The following ASCC2 variants were observed in gnomAD, a reference collection of about 807,000 sequenced individuals.
The protein encoded by ASCC2 is activating signal cointegrator 1 complex subunit 2, also known as ASC-1 complex subunit P100.
A neutral mutation model predicts 93.5 loss-of-function variants in ASCC2; 42 were observed. The observed-to-expected ratio is 0.45, with a 90% CI of 0.35 to 0.58. ASCC2 has a LOEUF of 0.58. Among genes scored for constraint, ASCC2 ranks in the 20% least tolerant of loss-of-function variants. The pLI is 0.00. For synonymous variants in ASCC2, 364 were observed against 384.2 expected (o/e 0.95, Z 0.62); for missense variants, 859 against 977.6 (o/e 0.88, Z 1.62).
chr22:29,822,218 T>G, intron 5 of ASCC2, 117 bp downstream of exon 5: 1 of 1,380,774 alleles, frequency 7.2e-7, no homozygotes, highest in Non-Finnish European at 9.9e-7. Flanking sequence ...TTCCCAAGAC[T>G]CCCTGCCCCT....
intron 1 of ASCC2, among the ~76,000 whole-genome samples, chr22:29,837,060 T>C (rs1262067834): frequency 6.6e-6 from 1 of 152,182 alleles, no homozygotes; most frequent in East Asian, 1.9e-4. Context: ...TGTGGCAGCA[T>C]TTAAAAGAGA....
In ASCC2 at chr22:29,806,915, G is replaced by C. The variant is rs778285612; in HGVS notation, c.909-11C>G. On this transcript the variant is annotated splice_polypyrimidine_tract_variant and intron_variant, in intron 9 of 19. Coordinates refer to ENST00000307790, the MANE Select transcript of ASCC2 (RefSeq NM_032204.5). ...AGGTCACCAAGAAGCCTAGGCCAGA[G>C]AGAAAAAAGACACAGGTTTAGGAGA... is the stretch of plus-strand genomic sequence containing the variant. The C allele has an allele frequency of 8.7e-6, 14 of 1,602,810 alleles. No individual in the cohort carries two copies. In the South Asian group the frequency reaches 1.5e-4, roughly 18 times the overall value.
chr22:29,817,298 C>A, intron 5 of ASCC2, among the ~76,000 whole-genome samples: 1 of 152,166 alleles, frequency 6.6e-6, no homozygotes, highest in East Asian at 1.9e-4. Context: ...ATCTCCCCAC[C>A]AAACTCTGTT....
At chr22:29,816,181 T>C in intron 5 of ASCC2, 108 bp from the exon 6 acceptor site, 1 of 922,556 alleles carries the variant, frequency 1.1e-6, no homozygotes, top group South Asian at 1.5e-5. Flanking sequence ...TTCTCCCTTT[T>C]CCTAATCCTA....
In ASCC2 at chr22:29,788,894, G is replaced by T; in HGVS notation, c.*119C>A. 7.7e-7 allele frequency: 1 copy of T among 1,294,052 alleles called. No individual in the cohort carries two copies. Among genetic ancestry groups the T allele is most frequent in the Non-Finnish European group, 1.1e-6 (1 of 920,450 alleles). The allele number at this position is 1,294,052 out of a possible 1,614,324, so 80.2% of individuals were successfully genotyped here. ...AGGCGGCCTTCTCAGGGGCTGCAAA[G>T]CTGAGGCTGTTGAGGGGTTGAGTTG... is the stretch of plus-strand genomic sequence containing the variant. On this transcript the variant is annotated 3_prime_UTR_variant, in exon 20 of 20. Transcript: ENST00000307790.
At chr22:29,836,428 A>G (rs1333062840) in intron 1 of ASCC2, 1 of 147,950 alleles carries the variant, frequency 6.8e-6, no homozygotes, top group African/African-American at 2.5e-5. Context: ...TAAAGATTTT[A>G]GTATTTCACC....
Position 29,813,443 on chromosome 22 carries a change from C to T in ASCC2, c.820G>A (p.Asp274Asn), listed in dbSNP as rs768099222. 2.0e-5 allele frequency: 32 copies of T among 1,611,042 alleles called. No homozygotes were observed. The highest frequency in any genetic ancestry group is 1.4e-4 in the South Asian group (13 of 91,004). The change falls in exon 8 of 20, where the codon GAC (aspartate) becomes AAC (asparagine). Residue 274 changes from aspartate (D) to asparagine (N), a missense_variant. Asp to Asn is a conservative substitution (Grantham distance 23). Coordinates refer to ENST00000307790, the MANE Select transcript of ASCC2 (RefSeq NM_032204.5). ...PLACQTFQKH[D>N]FCYRLASFYE... Reference sequence around the variant, plus strand: ...CTACCGCCTTACCTGTAACAAAAGTCGTGCTTCTGGAAGGTCTGGCAAGCC... The same window carrying T: ...CTACCGCCTTACCTGTAACAAAAGTTGTGCTTCTGGAAGGTCTGGCAAGCC...
rs1400095160 is a variant in ASCC2 at position 29,825,744 on chromosome 22, A to G, written c.118T>C (p.Tyr40His). Residue 40 changes from tyrosine to histidine, a missense_variant, in exon 3 of 20, where the codon TAC becomes CAC. Tyr to His is a moderately conservative substitution (Grantham distance 83). Coordinates refer to ENST00000307790, the MANE Select transcript of ASCC2 (RefSeq NM_032204.5). The surrounding 1 kb of genome is among the most constrained non-coding windows in gnomAD (Gnocchi z 4.9). Reference protein sequence around the residue: ...EQKADRYFVLYKPPPKDNIPA... With the variant: ...EQKADRYFVLHKPPPKDNIPA... ...ATGTTGTCTTTAGGGGGCGGTTTGT[A>G]TAACACAAAATACCGGTCTGCCTTC... 4 of 1,613,612 alleles carry G rather than the reference A, an allele frequency of 2.5e-6. No individual in the cohort carries two copies. Among genetic ancestry groups the G allele is most frequent in the East Asian group, 2.2e-5 (1 of 44,858 alleles).
In ASCC2 at chr22:29,837,226, C is replaced by T. The variant is rs866356796; in HGVS notation, c.-18+952G>A. Among the ~76,000 whole-genome samples the T allele has an allele frequency of 4.0e-5, 6 of 150,086 alleles. No homozygotes were observed. The South Asian group carries it at 1.3e-3, about 32-fold the overall frequency. The stretch of plus-strand genomic sequence containing the variant: ...CGGGCGGATCACGAGGCCAGGAGAT[C>T]GAGACCATCCTGGCTAGCAAGGTGA... On this transcript the variant is annotated intron_variant, in intron 1 of 19. Coordinates refer to ENST00000307790, the MANE Select transcript of ASCC2 (RefSeq NM_032204.5).
chr22:29,825,383 C>T lies in ASCC2; in HGVS notation c.241-126G>A. The T allele has an allele frequency of 7.7e-7, 1 of 1,291,462 alleles. No homozygotes were observed. The highest frequency in any genetic ancestry group is 1.1e-6 in the Non-Finnish European group (1 of 938,330). The allele number at this position is 1,291,462 out of a possible 1,614,324, so 80.0% of individuals were successfully genotyped here. ...TCCAAACACTCCGACCCCAAGGGACCAAGGAGGTATGAATGAGCCAAGGGC... is the reference window on the plus strand; with the variant it reads ...TCCAAACACTCCGACCCCAAGGGACTAAGGAGGTATGAATGAGCCAAGGGC... On this transcript the variant is annotated intron_variant, in intron 3 of 19. Transcript: ENST00000307790. The surrounding 1 kb of genome is among the most constrained non-coding windows in gnomAD (Gnocchi z 4.9).
intron 1 of ASCC2, among the ~76,000 whole-genome samples, chr22:29,832,785 T>C (rs1219797105): frequency 6.6e-6 from 1 of 151,764 alleles, no homozygotes; most frequent in Non-Finnish European, 1.5e-5. Context: ...TCTTACTCTG[T>C]TGTCCAGTGA....
intron 1 of ASCC2, chr22:29,833,396 G>A (rs2063386725): frequency 8.8e-6 from 3 of 342,330 alleles, no homozygotes; most frequent in African/African-American, 2.2e-5. Flanking sequence ...GAAGAAGTAC[G>A]TGGAAGAATA....
Position 29,806,206 on chromosome 22 carries a change from A to G in ASCC2, c.1160+10T>C, listed in dbSNP as rs940675760. 9.9e-6 allele frequency: 16 copies of G among 1,613,534 alleles called. No homozygotes were observed. Among genetic ancestry groups the G allele is most frequent in the Non-Finnish European group, 1.2e-5 (14 of 1,179,606 alleles). ...GGGCCCTGTCGTAGTGGGCTATGGT[A>G]GAAGGATACAAGACTGATGAGGCCT... On this transcript the variant is annotated intron_variant, in intron 12 of 19. Coordinates refer to ENST00000307790, the MANE Select transcript of ASCC2 (RefSeq NM_032204.5).
At chr22:29,835,089 C>T (rs2063612341) in intron 1 of ASCC2, among the ~76,000 whole-genome samples, 1 of 152,192 alleles carries the variant, frequency 6.6e-6, no homozygotes, top group Admixed American at 6.5e-5. Flanking sequence ...CAGGTAGAGA[C>T]AGCATTTGCT....
In ASCC2 at chr22:29,802,119, G is replaced by A. The variant is rs375230185; in HGVS notation, c.1443C>T (p.Asp481=). Residue 481 remains aspartate (D), a synonymous_variant, in exon 14 of 20, where the codon GAC becomes GAT. Coordinates refer to ENST00000307790, the MANE Select transcript of ASCC2 (RefSeq NM_032204.5). The stretch of plus-strand genomic sequence containing the variant: ...AGGCCAGGATGAAGCCCTCACCAAG[G>A]TCTGGCAGCAGGTCCTTCACTTGGG... ...LISQVKDLLP[D]LGEGFILACL... The A allele has an allele frequency of 6.2e-7, 1 of 1,614,202 alleles. No homozygotes were observed. Among genetic ancestry groups the A allele is most frequent in the East Asian group, 2.2e-5 (1 of 44,882 alleles).
chr22:29,811,271 T>C (rs2060247050), intron 8 of ASCC2, among the ~76,000 whole-genome samples: 1 of 152,202 alleles, frequency 6.6e-6, no homozygotes, highest in African/African-American at 2.4e-5. Context: ...GCACAGTTGC[T>C]CATATGTGCA....
rs145515686 is a variant in ASCC2, at chr22:29,832,015, G to C, written c.81+230C>G. ...GACTGATTTGAAATTAAATGCTTTG[G>C]GGGGAAGGTGCAGGGTGGTGACATG... On this transcript the variant is annotated intron_variant, in intron 2 of 19. Transcript: ENST00000307790. Among the ~76,000 whole-genome samples, 64 of 152,220 alleles carry C rather than the reference G, an allele frequency of 4.2e-4. No homozygotes were observed. In the East Asian group the frequency reaches 9.7e-3, roughly 23 times the overall value.
chr22:29,826,087 G>T (rs144401002), intron 2 of ASCC2: 129 of 223,976 alleles, frequency 5.8e-4, no homozygotes, highest in African/African-American at 2.8e-3. Flanking sequence ...TTAGTAAAAG[G>T]CAAAAGATTT....
intron 4 of ASCC2, among the ~76,000 whole-genome samples, chr22:29,824,853 G>A (rs1032287470): frequency 6.6e-6 from 1 of 152,198 alleles, no homozygotes; most frequent in South Asian, 2.1e-4. Flanking sequence ...CGCGTCAGCT[G>A]GCAAAGGGCC....
Sources: gnomAD v4.1 joint callset for allele counts (sites outside exome capture counted in the v4.1 genomes callset) on GRCh38, gnomAD v4.1.1 for gene constraint, Gnocchi (gnomAD v3.1) non-coding constraint, MANE v1.5 for transcripts, NCBI Gene and HGNC (gene_info 2026-07-23, HGNC 2026-07-21) for gene names.